SBNO2: variants seen among roughly 807,000 people sequenced by gnomAD.
The protein encoded by SBNO2 is strawberry notch homolog 2, also known as protein strawberry notch homolog 2.
A neutral mutation model predicts 146.3 loss-of-function variants in SBNO2; 89 were observed. The ratio of observed to expected loss-of-function variants is 0.61; its 90% CI spans 0.51 to 0.73. SBNO2 has a LOEUF of 0.73. Among genes scored for constraint, SBNO2 ranks in the 30% least tolerant of loss-of-function variants. The probability of loss-of-function intolerance (pLI) is 0.00; values close to 1 mark genes in which losing one functional copy is unlikely to be tolerated. For synonymous variants in SBNO2, 1,147 were observed against 892.6 expected (o/e 1.29, Z -5.08); for missense variants, 2,092 against 2,003.7 (o/e 1.04, Z -0.84).
chr19:1,132,152 G>T, intron 4 of SBNO2: 1 of 1,473,948 alleles, frequency 6.8e-7, no homozygotes, highest in East Asian at 2.9e-5. Flanking sequence ...GCGCTCGGGG[G>T]GCCAGGGGTC....
chr19:1,171,798 C>A (rs1175394754), intron 1 of SBNO2, among the ~76,000 whole-genome samples: 1 of 152,172 alleles, frequency 6.6e-6, no homozygotes, highest in African/African-American at 2.4e-5. Context: ...CGCAACCTCT[C>A]TCCACCTCGG....
chr19:1,113,104 T>C (rs1240100020), intron 19 of SBNO2, among the ~76,000 whole-genome samples, 155 bp from the exon 20 acceptor site: 1 of 152,172 alleles, frequency 6.6e-6, no homozygotes, highest in Non-Finnish European at 1.5e-5. Context: ...GCGGGACTGC[T>C]GGACCCAGGC....
chr19:1,137,073 A>G (rs1244367450), intron 4 of SBNO2, among the ~76,000 whole-genome samples: 1 of 148,754 alleles, frequency 6.7e-6, no homozygotes, highest in Non-Finnish European at 1.5e-5. Context: ...AGGGTGAAGG[A>G]GCACCCCCAC....
At chr19:1,149,932 C>T (rs970458876) in intron 2 of SBNO2, among the ~76,000 whole-genome samples, 3 of 152,204 alleles carry the variant, frequency 2.0e-5, no homozygotes, top group Non-Finnish European at 4.4e-5. Context: ...ACACCACCTC[C>T]AGGCCCCTCG....
chr19:1,112,605 C>G lies in SBNO2; in HGVS notation c.2380-68G>C. ...CGCCCCAGCGTTGCCGCCACCTCCT[C>G]ACCCACTAGGCCCCCGCTCCAGGTC... On this transcript the variant is annotated intron_variant, in intron 20 of 31. Coordinates refer to ENST00000361757, the MANE Select transcript of SBNO2 (RefSeq NM_014963.3). This position sits in a 1 kb window ranked among gnomAD's most constrained non-coding sequence, Gnocchi z 5.9. The G allele has an allele frequency of 6.7e-7, 1 of 1,501,996 alleles. No homozygotes were observed. The highest frequency in any genetic ancestry group is 2.4e-5 in the East Asian group (1 of 41,134). 93.0% of individuals were successfully genotyped at this position (1,501,996 alleles called of 1,614,324 possible). A position where few individuals can be genotyped will look rare whatever the true frequency, so the allele number is the denominator to read the frequency against.
chr19:1,151,243 G>A (rs1480560249), intron 2 of SBNO2, among the ~76,000 whole-genome samples: 2 of 152,232 alleles, frequency 1.3e-5, no homozygotes, highest in African/African-American at 2.4e-5. Context: ...AGGCACACAC[G>A]GCGCCTTGGG....
rs1040961533 is a variant in SBNO2, at chr19:1,136,756, C to G, written c.280-8991G>C. ...TGCTGAAACGCATCTGCAGAACAGT[C>G]AATGCTGCCTGCCTCCCTGCCTGAA... On this transcript the variant is annotated intron_variant, in intron 4 of 31. Coordinates refer to ENST00000361757, the MANE Select transcript of SBNO2 (RefSeq NM_014963.3). This position sits in a 1 kb window ranked among gnomAD's most constrained non-coding sequence, Gnocchi z 4.2. Among the ~76,000 whole-genome samples the G allele has an allele frequency of 5.5e-4, 83 of 152,194 alleles. 3 individuals carry two copies. Among genetic ancestry groups the G allele is most frequent in the Non-Finnish European group, 5.9e-5 (4 of 68,028 alleles).
At chr19:1,125,679 A>G (rs1309202170) in intron 5 of SBNO2, among the ~76,000 whole-genome samples, 4 of 151,816 alleles carry the variant, frequency 2.6e-5, no homozygotes, top group Non-Finnish European at 5.9e-5. Flanking sequence ...CTGTCTTAAA[A>G]AAAGAAAAAA....
chr19:1,137,235 G>T, intron 4 of SBNO2, among the ~76,000 whole-genome samples: 2 of 75,196 alleles, frequency 2.7e-5, no homozygotes, highest in East Asian at 7.5e-4. Context: ...AGAGGCTCGG[G>T]CTGGGGTACA....
In SBNO2 at chr19:1,144,491, G is replaced by A. The variant is rs1030803176; in HGVS notation, c.279+2818C>T. The stretch of plus-strand genomic sequence containing the variant: ...AACAGATGCAGCAGCAATTGTTCAG[G>A]AGGGGAGGAGCAGGAGAATTCATGA... On this transcript the variant is annotated intron_variant, in intron 4 of 31. Coordinates refer to ENST00000361757, the MANE Select transcript of SBNO2 (RefSeq NM_014963.3). The surrounding 1 kb of genome is among the most constrained non-coding windows in gnomAD (Gnocchi z 4.1). 1.3e-5 allele frequency among the ~76,000 whole-genome samples: 2 copies of A among 152,172 alleles called. No individual in the cohort carries two copies. The highest frequency in any genetic ancestry group is 2.9e-5 in the Non-Finnish European group (2 of 68,040).
In SBNO2 at chr19:1,117,061, C is replaced by A. The variant is rs929160184; in HGVS notation, c.1705-135G>T. 4 of 875,840 alleles carry A rather than the reference C, an allele frequency of 4.6e-6. No homozygotes were observed. In the Admixed American group the frequency reaches 7.6e-5, roughly 17 times the overall value. The allele number at this position is 875,840 out of a possible 1,614,324, so 54.3% of individuals were successfully genotyped here. ...CTCGCCTCCCCAGGAGGGGCCACGG[C>A]CCCCCTACAACACACACTGCTGGGT... is the stretch of plus-strand genomic sequence containing the variant. On this transcript the variant is annotated intron_variant, in intron 15 of 31. Transcript: ENST00000361757.
rs774232176 is a variant in SBNO2 at position 1,111,044 on chromosome 19, C to T, written c.2859G>A (p.Arg953=). The change falls in exon 25 of 32, where the codon CGG becomes CGA. Residue 953 remains arginine, a synonymous_variant. Coordinates refer to ENST00000361757, the MANE Select transcript of SBNO2 (RefSeq NM_014963.3). ...CCTTCTCCACGTCCAGGCAGCCATTCCGGGACTCCCGGCCACCAATGCCCA... is the reference window on the plus strand; with the variant it reads ...CCTTCTCCACGTCCAGGCAGCCATTTCGGGACTCCCGGCCACCAATGCCCA... ...LSVGIGGRES[R]NGCLDVEKDC... The T allele has an allele frequency of 1.1e-5, 17 of 1,570,216 alleles. No homozygotes were observed. In the African/African-American group the frequency reaches 2.2e-4, roughly 20 times the overall value.
At chr19:1,117,776 G>A (rs150609260) in intron 14 of SBNO2, among the ~76,000 whole-genome samples, 3 of 152,244 alleles carry the variant, frequency 2.0e-5, no homozygotes, top group Non-Finnish European at 4.4e-5. Context: ...CAAGAACACA[G>A]GGTGCTCGCA....
Position 1,157,327 on chromosome 19 carries a change from G to A in SBNO2, c.-126-2925C>T, listed in dbSNP as rs1020915070. 6.6e-6 allele frequency among the ~76,000 whole-genome samples: 1 copy of A among 151,074 alleles called. No homozygotes were observed. The highest frequency in any genetic ancestry group is 2.1e-4 in the South Asian group (1 of 4,804). ...CTGAGAACACCCCAACGCAGCCTCT[G>A]CCACGCAGCCCCGGAGACGCTCTCC... On this transcript the variant is annotated intron_variant, in intron 1 of 31. Coordinates refer to ENST00000361757, the MANE Select transcript of SBNO2 (RefSeq NM_014963.3). The surrounding 1 kb of genome is among the most constrained non-coding windows in gnomAD (Gnocchi z 6.8).
intron 4 of SBNO2, among the ~76,000 whole-genome samples, chr19:1,130,859 C>T (rs1055736568): frequency 1.3e-5 from 2 of 152,200 alleles, no homozygotes; most frequent in Non-Finnish European, 2.9e-5. Context: ...GCTTCAAGAA[C>T]GCAGCCTCGA....
intron 4 of SBNO2, among the ~76,000 whole-genome samples, chr19:1,141,997 A>C (rs1420574284): frequency 9.6e-5 from 11 of 114,122 alleles, no homozygotes; most frequent in Non-Finnish European, 3.8e-5. Flanking sequence ...GGAGTCTGTG[A>C]AGTGAAGACC....
chr19:1,141,116 C>A (rs2080133011), intron 4 of SBNO2, among the ~76,000 whole-genome samples: 1 of 151,900 alleles, frequency 6.6e-6, no homozygotes, highest in Admixed American at 6.6e-5. Context: ...AGAACACGCG[C>A]CCCGGAGAAG....
Position 1,119,034 on chromosome 19 carries a change from C to T in SBNO2, c.1504G>A (p.Val502Ile), listed in dbSNP as rs759529238. The change falls in exon 14 of 32, where the codon GTC becomes ATC. Residue 502 changes from valine to isoleucine, a missense_variant. Physicochemically the swap from Val to Ile is conservative, Grantham distance 29. Coordinates refer to ENST00000361757, the MANE Select transcript of SBNO2 (RefSeq NM_014963.3). ...ACCAGCAGGGCCGCGCGGTTGTAGA[C>T]GCACTCGAAGGCTGGGGCCAGCGGG... Reference protein sequence around the residue: ...EIPLAPAFECVYNRAALLWAE... With the variant: ...EIPLAPAFECIYNRAALLWAE... 29 of 1,602,356 alleles carry T rather than the reference C, an allele frequency of 1.8e-5. No homozygotes were observed. The highest frequency in any genetic ancestry group is 2.2e-5 in the East Asian group (1 of 44,594).
chr19:1,144,103 C>T lies in SBNO2; in HGVS notation c.279+3206G>A, dbSNP rs1321809369. 6.6e-6 allele frequency among the ~76,000 whole-genome samples: 1 copy of T among 152,180 alleles called. No individual in the cohort carries two copies. Among genetic ancestry groups the T allele is most frequent in the African/African-American group, 2.4e-5 (1 of 41,424 alleles). Reference sequence around the variant, plus strand: ...TCCTTCCTGGCTCCGCAGAACCACGCGGCCCAGCCCACAGGCCTGGGCTGA... The same window carrying T: ...TCCTTCCTGGCTCCGCAGAACCACGTGGCCCAGCCCACAGGCCTGGGCTGA... On this transcript the variant is annotated intron_variant, in intron 4 of 31. Transcript: ENST00000361757. The surrounding 1 kb of genome is among the most constrained non-coding windows in gnomAD (Gnocchi z 4.1).
Sources: gnomAD v4.1 joint callset for allele counts (sites outside exome capture counted in the v4.1 genomes callset) on GRCh38, gnomAD v4.1.1 for gene constraint, Gnocchi (gnomAD v3.1) non-coding constraint, MANE v1.5 for transcripts, NCBI Gene and HGNC (gene_info 2026-07-23, HGNC 2026-07-21) for gene names.